The following MND1 variants were observed in gnomAD, a reference collection of about 807,000 sequenced individuals.
MND1 encodes meiotic nuclear divisions 1, also known as meiotic nuclear division protein 1 homolog.
MND1 carries 28 observed loss-of-function variants against 35.1 expected under a neutral mutation model. The ratio of observed to expected loss-of-function variants is 0.80; its 90% CI spans 0.59 to 1.09. The LOEUF (loss-of-function observed/expected upper bound fraction) is 1.09, where lower values mean the gene tolerates loss of function less well. Among genes scored for constraint, MND1 ranks in the 50% least tolerant of loss-of-function variants. MND1 has a pLI of 0.00. For synonymous variants in MND1, 69 were observed against 70.5 expected, an observed-to-expected ratio of 0.98 and a Z score of 0.11; for missense variants, 213 against 239.6, an observed-to-expected ratio of 0.89 and a Z score of 0.73.
chr4:153,403,899 G>A (rs1729412105), intron 6 of MND1, among the ~76,000 whole-genome samples: 1 of 151,930 alleles, frequency 6.6e-6, no homozygotes, highest in South Asian at 2.1e-4. Flanking sequence ...CTGAGTAGCT[G>A]GAACTACAAG....
At chr4:153,384,443 ATTTTTTT>A (rs561004288) in intron 4 of MND1, among the ~76,000 whole-genome samples, 127 of 63,180 alleles carry the variant, frequency 2.0e-3, no homozygotes, top group East Asian at 0.012. Flanking sequence ...CTAATGTTTA[ATTTTTTT>A]TTTTTTTTTT....
In MND1 at chr4:153,370,794, C is replaced by A. The variant is rs550286365; in HGVS notation, c.276+12172C>A. 3.3e-5 allele frequency among the ~76,000 whole-genome samples: 5 copies of A among 152,150 alleles called. No individual in the cohort carries two copies. The South Asian group carries it at 1.0e-3, about 32-fold the overall frequency. On this transcript the variant is annotated intron_variant, in intron 4 of 7. Coordinates refer to ENST00000240488, the MANE Select transcript of MND1 (RefSeq NM_032117.4). ...TCAGCCTCCCAAAGTGCTGGGATTA[C>A]AGGCGGGAGCCACCATGCCTGGCCA...
In MND1 at chr4:153,401,577, T is replaced by C. The variant is rs539956335; in HGVS notation, c.466+4244T>C. On this transcript the variant is annotated intron_variant, in intron 6 of 7. Coordinates refer to ENST00000240488, the MANE Select transcript of MND1 (RefSeq NM_032117.4). ...AATTATTGTTTTTAAAGTGCACTTT[T>C]TGATAGGGGTTTCATGGGATTTCAG... is the stretch of plus-strand genomic sequence containing the variant. Among the ~76,000 whole-genome samples the C allele has an allele frequency of 1.4e-4, 22 of 152,276 alleles. 1 individual carries two copies. In the East Asian group the frequency reaches 4.2e-3, roughly 29 times the overall value.
intron 2 of MND1, among the ~76,000 whole-genome samples, chr4:153,353,423 A>ATATATATATG (rs1005845284): frequency 3.5e-4 from 36 of 102,456 alleles, no homozygotes; most frequent in Non-Finnish European, 1.7e-4. Context: ...ATATATATAT[A>ATATATATATG]TATATATATA....
intron 4 of MND1, among the ~76,000 whole-genome samples, chr4:153,365,989 A>T (rs905145067): frequency 6.6e-6 from 1 of 152,190 alleles, no homozygotes; most frequent in Non-Finnish European, 1.5e-5. Context: ...TCTGGAGGCC[A>T]GAAGTTAAAA....
chr4:153,348,565 A>G (rs890712868), intron 1 of MND1, among the ~76,000 whole-genome samples: 15 of 152,234 alleles, frequency 9.9e-5, no homozygotes, highest in African/African-American at 3.6e-4. Flanking sequence ...GAAGAGAAAA[A>G]TATAAACTTT....
At chr4:153,372,531 C>T (rs1773817049) in intron 4 of MND1, among the ~76,000 whole-genome samples, 1 of 152,136 alleles carries the variant, frequency 6.6e-6, no homozygotes, top group African/African-American at 2.4e-5. Context: ...GAAACTATCA[C>T]CACAATCAAG....
chr4:153,354,697 C>T (rs766829726), intron 2 of MND1, among the ~76,000 whole-genome samples: 3 of 152,004 alleles, frequency 2.0e-5, no homozygotes, highest in Non-Finnish European at 4.4e-5. Flanking sequence ...AGATGTGGTG[C>T]AAGAGTGGTC....
At chr4:153,352,256 A>G (rs1394184114) in intron 2 of MND1, among the ~76,000 whole-genome samples, 1 of 152,192 alleles carries the variant, frequency 6.6e-6, no homozygotes, top group African/African-American at 2.4e-5. Flanking sequence ...TAAATGGAGA[A>G]AAAGAGACAT....
At chr4:153,360,411 A>G (rs1350878832) in intron 4 of MND1, among the ~76,000 whole-genome samples, 2 of 151,634 alleles carry the variant, frequency 1.3e-5, no homozygotes, top group East Asian at 3.9e-4. Flanking sequence ...GGGCATGTAG[A>G]TTTTCTCCTA....
intron 4 of MND1, among the ~76,000 whole-genome samples, chr4:153,390,919 A>ATGTGTG (rs149830333): frequency 0.041 from 5,080 of 124,688 alleles, 120 homozygotes; most frequent in South Asian, 0.14. Flanking sequence ...GTGTGTGTAT[A>ATGTGTG]TGTGTGTGTG....
chr4:153,355,612 A>G, intron 2 of MND1, 42 bp from the exon 3 acceptor site: 2 of 1,315,932 alleles, frequency 1.5e-6, no homozygotes, highest in East Asian at 4.6e-5. Context: ...ATAGTAGAAA[A>G]TAAACACGTG....
intron 1 of MND1, among the ~76,000 whole-genome samples, chr4:153,345,963 A>G (rs563739295): frequency 0.017 from 1,780 of 103,370 alleles, 20 homozygotes; most frequent in Non-Finnish European, 0.028. Flanking sequence ...TACCTAATCT[A>G]TCTCTCTACA....
intron 4 of MND1, among the ~76,000 whole-genome samples, chr4:153,377,506 T>G (rs1485485407): frequency 6.6e-6 from 1 of 152,184 alleles, no homozygotes; most frequent in Non-Finnish European, 1.5e-5. Context: ...GACATAAGAA[T>G]GAATTAGGTA....
chr4:153,359,022 C>T (rs923850429), intron 4 of MND1, among the ~76,000 whole-genome samples: 1 of 152,258 alleles, frequency 6.6e-6, no homozygotes. Flanking sequence ...ATGTTTGTCA[C>T]AATTGAGTCA....
rs58003087 is a variant in MND1 at position 153,390,889 on chromosome 4, A to ATGTGTG, written c.277-3351_277-3346dup. On this transcript the variant is annotated intron_variant, in intron 4 of 7. Transcript: ENST00000240488. ...CCGTCTCAAAAAAAAAGGTATATAT[A>ATGTGTG]TGTGTGTGTGTGTGTGTGTGTGTGT... Among the ~76,000 whole-genome samples the ATGTGTG allele has an allele frequency of 8.7e-4, 121 of 139,854 alleles. 1 individual carries two copies. The highest frequency in any genetic ancestry group is 2.8e-3 in the African/African-American group (107 of 38,246). 91.7% of individuals were successfully genotyped at this position (139,854 alleles called of 152,430 possible). A position where few individuals can be genotyped will look rare whatever the true frequency, so the allele number is the denominator to read the frequency against.
At chr4:153,363,741 G>A (rs1226287379) in intron 4 of MND1, among the ~76,000 whole-genome samples, 1 of 152,116 alleles carries the variant, frequency 6.6e-6, no homozygotes, top group East Asian at 1.9e-4. Flanking sequence ...TACCTAAGAG[G>A]GATGGAAAGC....
At chr4:153,390,901 G>A (rs993634215) in intron 4 of MND1, among the ~76,000 whole-genome samples, 1 of 136,562 alleles carries the variant, frequency 7.3e-6, no homozygotes, top group Non-Finnish European at 1.5e-5. Flanking sequence ...GTGTGTGTGT[G>A]TGTGTGTGTG....
chr4:153,350,127 A>G lies in MND1; in HGVS notation c.67A>G (p.Thr23Ala), dbSNP rs754132696. 8.7e-6 allele frequency: 14 copies of G among 1,602,878 alleles called. No individual in the cohort carries two copies. The highest frequency in any genetic ancestry group is 5.1e-6 in the Non-Finnish European group (6 of 1,174,368). The change falls in exon 2 of 8, where the codon ACA becomes GCA. Residue 23 changes from threonine (T) to alanine (A), a missense_variant and splice_region_variant. Thr to Ala is a moderately conservative substitution (Grantham distance 58). Transcript: ENST00000240488. ...TCGCATGATGGAAATATTTTCTGAA[A>G]CAGTAAGTCATTTTCTTTAACACTT... is the stretch of plus-strand genomic sequence containing the variant. Reference protein sequence around the residue: ...RTRMMEIFSETKDVFQLKDLE... With the variant: ...RTRMMEIFSEAKDVFQLKDLE...
Sources: gnomAD v4.1 joint callset for allele counts (sites outside exome capture counted in the v4.1 genomes callset) on GRCh38, gnomAD v4.1.1 for gene constraint, MANE v1.5 for transcripts, NCBI Gene and HGNC (gene_info 2026-07-23, HGNC 2026-07-21) for gene names.